The following CHCHD3 variants were observed in gnomAD, a reference collection of about 807,000 sequenced individuals.
The protein encoded by CHCHD3 is MICOS complex subunit MIC19.
CHCHD3 carries 20 observed loss-of-function variants against 38.2 expected under a neutral mutation model. The observed-to-expected ratio is 0.52, with a 90% CI of 0.37 to 0.76. CHCHD3 has a LOEUF of 0.76. Ranked by LOEUF, CHCHD3 falls within the 30% of genes least tolerant of loss-of-function variation. The pLI is 0.00. For missense variants in CHCHD3, 245 were observed against 279.2 expected, an observed-to-expected ratio of 0.88 and a Z score of 0.87; for synonymous variants, 82 against 100.0, an observed-to-expected ratio of 0.82 and a Z score of 1.07.
Position 133,035,351 on chromosome 7 carries a change from C to T in CHCHD3, c.170-10724G>A. ...GGGGCTGGTTAATGCAGGTGAGGAACCAGCGGTTGGTATTGCGAAAGGCCC... is the reference window on the plus strand; with the variant it reads ...GGGGCTGGTTAATGCAGGTGAGGAATCAGCGGTTGGTATTGCGAAAGGCCC... On this transcript the variant is annotated intron_variant, in intron 2 of 7. Coordinates refer to ENST00000262570, the MANE Select transcript of CHCHD3 (RefSeq NM_017812.4). This position sits in a 1 kb window ranked among gnomAD's most constrained non-coding sequence, Gnocchi z 4.7. The T allele has an allele frequency of 6.2e-7, 1 of 1,612,214 alleles. No individual in the cohort carries two copies. The highest frequency in any genetic ancestry group is 1.7e-5 in the Admixed American group (1 of 60,004).
At chr7:132,786,359 G>A (rs1156599617) in intron 7 of CHCHD3, among the ~76,000 whole-genome samples, 1 of 152,158 alleles carries the variant, frequency 6.6e-6, no homozygotes, top group East Asian at 1.9e-4. Context: ...GGGGGAGAAC[G>A]CAGATGTTCA....
intron 3 of CHCHD3, among the ~76,000 whole-genome samples, chr7:132,992,851 TATAAAA>T (rs1812319403): frequency 6.6e-6 from 1 of 152,198 alleles, no homozygotes; most frequent in African/African-American, 2.4e-5. Context: ...AAATTCTCTC[TATAAAA>T]ATAACTGGTG....
intron 4 of CHCHD3, among the ~76,000 whole-genome samples, chr7:132,943,694 T>C (rs924662282): frequency 6.6e-6 from 1 of 152,114 alleles, no homozygotes; most frequent in Non-Finnish European, 1.5e-5. Context: ...ACTGACAGAT[T>C]TGACTATCTA....
chr7:133,062,074 C>T (rs1814534359), intron 2 of CHCHD3, among the ~76,000 whole-genome samples: 1 of 151,974 alleles, frequency 6.6e-6, no homozygotes, highest in Non-Finnish European at 1.5e-5. Flanking sequence ...AAATGAAATG[C>T]TGGGTCAGAC....
chr7:132,909,803 T>C (rs569249618), intron 4 of CHCHD3, among the ~76,000 whole-genome samples: 5 of 152,222 alleles, frequency 3.3e-5, no homozygotes, highest in Admixed American at 6.5e-5. Context: ...CCAGGCTCTA[T>C]TGACCATTTT....
intron 2 of CHCHD3, among the ~76,000 whole-genome samples, chr7:133,055,108 T>G (rs1474549447): frequency 1.3e-5 from 2 of 152,002 alleles, no homozygotes; most frequent in Non-Finnish European, 2.9e-5. Flanking sequence ...GAGTATCACT[T>G]GAACCCAAGA....
intron 4 of CHCHD3, among the ~76,000 whole-genome samples, chr7:132,892,329 C>T (rs1809382370): frequency 6.6e-6 from 1 of 152,218 alleles, no homozygotes; most frequent in Non-Finnish European, 1.5e-5. Flanking sequence ...ACTTGCTATG[C>T]TTTAGCAAAG....
intron 5 of CHCHD3, among the ~76,000 whole-genome samples, chr7:132,843,520 G>T (rs1447251691): frequency 6.6e-6 from 1 of 152,118 alleles, no homozygotes; most frequent in Non-Finnish European, 1.5e-5. Context: ...CTTTACAAAG[G>T]TACTCCAAAT....
intron 5 of CHCHD3, among the ~76,000 whole-genome samples, chr7:132,879,939 G>A (rs1008050188): frequency 2.0e-5 from 3 of 151,918 alleles, no homozygotes; most frequent in Admixed American, 1.3e-4. Context: ...TGCTGTAATC[G>A]CTAGGTAATA....
intron 7 of CHCHD3, among the ~76,000 whole-genome samples, chr7:132,795,347 T>A (rs1173326448): frequency 6.6e-6 from 1 of 152,194 alleles, no homozygotes; most frequent in East Asian, 1.9e-4. Context: ...CAACATTACC[T>A]GTACCAAAGA....
intron 4 of CHCHD3, among the ~76,000 whole-genome samples, chr7:132,918,708 T>C (rs1251698378): frequency 2.6e-5 from 4 of 152,232 alleles, no homozygotes; most frequent in African/African-American, 9.6e-5. Flanking sequence ...CACAGTCCTC[T>C]TGCCTATACC....
chr7:132,841,520 T>A (rs936021682), intron 5 of CHCHD3, among the ~76,000 whole-genome samples: 1 of 150,752 alleles, frequency 6.6e-6, no homozygotes, highest in African/African-American at 2.4e-5. Context: ...ACAGTGAAAA[T>A]CTACAAAGTA....
intron 6 of CHCHD3, among the ~76,000 whole-genome samples, chr7:132,800,374 T>A (rs938580495): frequency 1.1e-4 from 16 of 152,188 alleles, no homozygotes; most frequent in African/African-American, 3.6e-4. Context: ...TAAGACTCTA[T>A]AACACAGTTA....
chr7:133,008,864 T>C (rs1230208064), intron 3 of CHCHD3, among the ~76,000 whole-genome samples: 2 of 151,946 alleles, frequency 1.3e-5, no homozygotes, highest in Admixed American at 6.6e-5. Context: ...GTTCCCTGAC[T>C]GGTGAATTTG....
At chr7:132,984,867 A>T (rs577834383) in intron 3 of CHCHD3, among the ~76,000 whole-genome samples, 2 of 82,212 alleles carry the variant, frequency 2.4e-5, no homozygotes, top group African/African-American at 9.2e-5. Flanking sequence ...TCAGCCCCCC[A>T]CCCGGCCAGC....
intron 4 of CHCHD3, among the ~76,000 whole-genome samples, chr7:132,936,261 A>G (rs1246298192): frequency 1.3e-5 from 2 of 152,156 alleles, no homozygotes; most frequent in African/African-American, 4.8e-5. Context: ...CATTATTTCA[A>G]TGATAAAGTA....
intron 4 of CHCHD3, among the ~76,000 whole-genome samples, chr7:132,929,838 C>T (rs1294752257): frequency 6.6e-6 from 1 of 152,104 alleles, no homozygotes; most frequent in African/African-American, 2.4e-5. Context: ...AGCTGAGAGG[C>T]GTCTTTCCTC....
chr7:132,823,152 T>C (rs1168660077), intron 6 of CHCHD3, among the ~76,000 whole-genome samples: 1 of 152,036 alleles, frequency 6.6e-6, no homozygotes, highest in Non-Finnish European at 1.5e-5. Flanking sequence ...AAGGTTGATC[T>C]GGAAAAGAAA....
intron 4 of CHCHD3, among the ~76,000 whole-genome samples, chr7:132,905,232 G>C (rs747832545): frequency 1.3e-5 from 2 of 151,992 alleles, no homozygotes; most frequent in Admixed American, 1.3e-4. Flanking sequence ...ATGTACCCTA[G>C]AACTTAAAGT....
Sources: allele counts gnomAD v4.1 joint callset (sites outside exome capture counted in the v4.1 genomes callset), GRCh38; gene constraint gnomAD v4.1.1; non-coding constraint Gnocchi (gnomAD v3.1); transcripts MANE v1.5; gene names NCBI Gene and HGNC (gene_info 2026-07-23, HGNC 2026-07-21).